SLC12A6: variants seen among roughly 807,000 people sequenced by gnomAD.
SLC12A6 encodes solute carrier family 12 member 6, also known as K-Cl cotransporter 3.
Under a neutral mutation model 135.3 loss-of-function variants are expected in SLC12A6, and 66 were observed. The observed-to-expected ratio is 0.49, with a 90% CI of 0.40 to 0.60. SLC12A6 has a LOEUF of 0.60. Among genes scored for constraint, SLC12A6 ranks in the 20% least tolerant of loss-of-function variants. The pLI is 0.00. For synonymous variants in SLC12A6, 513 were observed against 508.8 expected, an observed-to-expected ratio of 1.01 and a Z score of -0.11; for missense variants, 1,058 against 1,452.3, an observed-to-expected ratio of 0.73 and a Z score of 4.41.
intron 2 of SLC12A6, among the ~76,000 whole-genome samples, chr15:34,304,618 G>A (rs1467261620): frequency 6.6e-6 from 1 of 152,148 alleles, no homozygotes; most frequent in African/African-American, 2.4e-5. Flanking sequence ...TGGTTTTGAT[G>A]TGTATTTCTT....
intron 2 of SLC12A6, among the ~76,000 whole-genome samples, chr15:34,331,364 C>A (rs766934863): frequency 3.3e-5 from 5 of 152,182 alleles, no homozygotes; most frequent in Non-Finnish European, 7.3e-5. Context: ...TGGTCTCGAA[C>A]GCCTGGCCTC....
Position 34,320,916 on chromosome 15 carries a change from T to TAAATA in SLC12A6, c.271+15489_271+15493dup, listed in dbSNP as rs1555390854. On this transcript the variant is annotated intron_variant, in intron 2 of 25. Transcript: ENST00000354181. The stretch of plus-strand genomic sequence containing the variant: ...AGAGCAAGACTCGTCTCAAAAAAAA[T>TAAATA]AAATACAATAAAATAAAATAAAATA... 4.7e-3 allele frequency among the ~76,000 whole-genome samples: 687 copies of TAAATA among 144,902 alleles called. 14 individuals carry two copies. The highest frequency in any genetic ancestry group is 0.017 in the African/African-American group (633 of 38,082).
intron 25 of SLC12A6, among the ~76,000 whole-genome samples, chr15:34,234,177 C>T (rs901390420): frequency 6.6e-6 from 1 of 152,036 alleles, no homozygotes; most frequent in Non-Finnish European, 1.5e-5. Context: ...ACCAGACTCC[C>T]ATTTGTGTAT....
Position 34,240,764 on chromosome 15 carries a change from G to T in SLC12A6, c.2333C>A (p.Thr778Asn). ...TCCTGCTTTGAGCTGTGAGGCAAAG[G>T]TGAGGAGGCGAGGATGCTTGACATG... ...DLHVKHPRLL[T>N]FASQLKAGKG... Residue 778 changes from threonine to asparagine, a missense_variant, in exon 19 of 26, where the codon ACC becomes AAC. Coordinates refer to ENST00000354181, the MANE Select transcript of SLC12A6 (RefSeq NM_001365088.1). 6.2e-7 allele frequency: 1 copy of T among 1,614,002 alleles called. No homozygotes were observed. Among genetic ancestry groups the T allele is most frequent in the African/African-American group, 1.3e-5 (1 of 75,056 alleles).
chr15:34,278,142 C>T (rs1275860727), intron 2 of SLC12A6, among the ~76,000 whole-genome samples: 4 of 152,116 alleles, frequency 2.6e-5, no homozygotes, highest in Non-Finnish European at 5.9e-5. Context: ...AAAGAATTAG[C>T]TCGGCTGGGC....
chr15:34,296,988 T>C (rs181032766), intron 2 of SLC12A6, among the ~76,000 whole-genome samples: 1 of 152,360 alleles, frequency 6.6e-6, no homozygotes, highest in Non-Finnish European at 1.5e-5. Context: ...TACAAATGTT[T>C]ATTAAGTTCA....
At chr15:34,304,698 G>T (rs927489277) in intron 2 of SLC12A6, among the ~76,000 whole-genome samples, 1 of 152,088 alleles carries the variant, frequency 6.6e-6, no homozygotes, top group Non-Finnish European at 1.5e-5. Context: ...ACCTTAATTG[G>T]AAAGCTGTTA....
intron 2 of SLC12A6, among the ~76,000 whole-genome samples, chr15:34,324,613 T>C (rs1889341990): frequency 1.4e-5 from 2 of 145,788 alleles, no homozygotes; most frequent in African/African-American, 5.2e-5. Flanking sequence ...AACCCATTTA[T>C]TAAAAAAAAA....
intron 19 of SLC12A6, among the ~76,000 whole-genome samples, chr15:34,240,365 A>G (rs1891560616): frequency 6.6e-6 from 1 of 152,146 alleles, no homozygotes; most frequent in Non-Finnish European, 1.5e-5. Flanking sequence ...TCAAGGGATC[A>G]ATTTATTTAC....
intron 2 of SLC12A6, among the ~76,000 whole-genome samples, chr15:34,285,713 T>TACACACACACACACACACACACA (rs776596338): frequency 0.043 from 1,943 of 45,110 alleles, 18 homozygotes; most frequent in Non-Finnish European, 0.09. Flanking sequence ...TGTGTGTGTG[T>TACACACACACACACACACACACA]TTGTCATACA....
intron 2 of SLC12A6, among the ~76,000 whole-genome samples, chr15:34,290,584 C>T (rs1274801528): frequency 6.6e-6 from 1 of 152,158 alleles, no homozygotes; most frequent in African/African-American, 2.4e-5. Context: ...CTGTTAAAGT[C>T]TCCCATTGTT....
intron 1 of SLC12A6, 38 bp downstream of exon 1, chr15:34,337,294 G>A (rs1470472440): frequency 6.1e-6 from 1 of 164,586 alleles, no homozygotes; most frequent in Non-Finnish European, 1.3e-5. Flanking sequence ...TGGGTCTGGT[G>A]GGAAAGGTGC....
chr15:34,326,562 G>A (rs578186444), intron 2 of SLC12A6, among the ~76,000 whole-genome samples: 5 of 152,262 alleles, frequency 3.3e-5, no homozygotes, highest in African/African-American at 1.2e-4. Flanking sequence ...AACTGTTGAT[G>A]TAACTCAGCA....
intron 2 of SLC12A6, among the ~76,000 whole-genome samples, chr15:34,310,694 C>G (rs1888164787): frequency 1.1e-5 from 1 of 91,346 alleles, no homozygotes; most frequent in Admixed American, 1.2e-4. Context: ...TGGTGTTGAA[C>G]TCCTGGGCTC....
chr15:34,256,510 C>T (rs1202616904), intron 6 of SLC12A6, among the ~76,000 whole-genome samples: 3 of 152,166 alleles, frequency 2.0e-5, no homozygotes, highest in Non-Finnish European at 4.4e-5. Flanking sequence ...ATCAGTAGGT[C>T]AGGTGCTATT....
At position 34,230,058 on chromosome 15, in the gene SLC12A6, C is replaced by T. The variant is rs543505664; in HGVS notation, c.*3823G>A. 2.3e-6 allele frequency: 1 copy of T among 442,148 alleles called. No individual in the cohort carries two copies. Among genetic ancestry groups the T allele is most frequent in the Admixed American group, 4.0e-5 (1 of 24,836 alleles). 27.4% of individuals were successfully genotyped at this position (442,148 alleles called of 1,614,324 possible). A position where few individuals can be genotyped will look rare whatever the true frequency, so the allele number is the denominator to read the frequency against. On this transcript the variant is annotated 3_prime_UTR_variant, in exon 26 of 26. Coordinates refer to ENST00000354181, the MANE Select transcript of SLC12A6 (RefSeq NM_001365088.1). ...ACAGAGCAAAACAACAACAAAAAAA[C>T]ATAACTATGTAAACAAGAGAATAAC...
intron 2 of SLC12A6, among the ~76,000 whole-genome samples, chr15:34,317,474 C>T (rs1043157448): frequency 2.0e-5 from 3 of 152,062 alleles, no homozygotes; most frequent in African/African-American, 4.8e-5. Flanking sequence ...GAGGCAGAAG[C>T]GGGGGATCGC....
chr15:34,233,693 G>A lies in SLC12A6; in HGVS notation c.*188C>T, dbSNP rs1193484820. 3.3e-6 allele frequency: 2 copies of A among 607,320 alleles called. No homozygotes were observed. The highest frequency in any genetic ancestry group is 6.0e-6 in the Non-Finnish European group (2 of 334,184). 37.6% of individuals were successfully genotyped at this position (607,320 alleles called of 1,614,324 possible). On this transcript the variant is annotated 3_prime_UTR_variant, in exon 26 of 26. Coordinates refer to ENST00000354181, the MANE Select transcript of SLC12A6 (RefSeq NM_001365088.1). ...TGTTGAGGGAATATTTGCTTTTTCT[G>A]TAATGACTGCAGATCAGATGGGAGC...
chr15:34,314,464 T>C (rs1595558195), intron 2 of SLC12A6, among the ~76,000 whole-genome samples: 1 of 152,334 alleles, frequency 6.6e-6, no homozygotes, highest in East Asian at 1.9e-4. Flanking sequence ...CCGATGGAGA[T>C]GTACAAAGAG....
Sources: allele counts gnomAD v4.1 joint callset (sites outside exome capture counted in the v4.1 genomes callset), GRCh38; gene constraint gnomAD v4.1.1; transcripts MANE v1.5; gene names NCBI Gene and HGNC (gene_info 2026-07-23, HGNC 2026-07-21).